Variants in RASA1 observed in about 807,000 individuals in gnomAD.
The protein encoded by RASA1 is ras GTPase-activating protein 1.
In RASA1, 25 loss-of-function variants were observed where a neutral mutation model predicts 132.2. The ratio of observed to expected loss-of-function variants is 0.19; its 90% CI spans 0.14 to 0.26. RASA1 has a LOEUF of 0.26. Among genes scored for constraint, RASA1 ranks in the 10% least tolerant of loss-of-function variants. The pLI is 1.00. For missense variants in RASA1, 964 were observed against 1,299.2 expected (o/e 0.74, Z 3.97); for synonymous variants, 477 against 449.9 (o/e 1.06, Z -0.76).
intron 1 of RASA1, among the ~76,000 whole-genome samples, chr5:87,287,610 T>G (rs187750161): frequency 2.1e-5 from 3 of 146,088 alleles, no homozygotes; most frequent in Admixed American, 6.8e-5. Context: ...ACACGCCATA[T>G]ATATACCATA....
intron 1 of RASA1, among the ~76,000 whole-genome samples, chr5:87,300,575 A>G (rs1307326836): frequency 3.3e-5 from 5 of 152,342 alleles, no homozygotes; most frequent in South Asian, 4.1e-4. Context: ...CCTGCTTACT[A>G]ATGACAGAAA....
chr5:87,322,919 TGA>T (rs1028484834), intron 1 of RASA1, among the ~76,000 whole-genome samples: 6 of 152,292 alleles, frequency 3.9e-5, no homozygotes, highest in African/African-American at 1.4e-4. Flanking sequence ...AAGAGAAGTG[TGA>T]GAGTGTCTGT....
chr5:87,359,517 A>G (rs1759914275), intron 9 of RASA1, among the ~76,000 whole-genome samples: 1 of 152,182 alleles, frequency 6.6e-6, no homozygotes, highest in Non-Finnish European at 1.5e-5. Flanking sequence ...ATAGATTCCA[A>G]GATCTATATA....
intron 11 of RASA1, chr5:87,366,383 C>G (rs1048717298): frequency 2.3e-6 from 1 of 426,724 alleles, no homozygotes; most frequent in Middle Eastern, 3.4e-4. Flanking sequence ...TTGGCACAAT[C>G]AAAAGAAAGG....
chr5:87,297,210 A>G (rs1561263391), intron 1 of RASA1, among the ~76,000 whole-genome samples: 1 of 152,194 alleles, frequency 6.6e-6, no homozygotes, highest in African/African-American at 2.4e-5. Context: ...CATATTAATC[A>G]TAGTTTTAAA....
chr5:87,278,881 C>G (rs1754184780), intron 1 of RASA1, among the ~76,000 whole-genome samples: 1 of 144,646 alleles, frequency 6.9e-6, no homozygotes, highest in African/African-American at 2.6e-5. Context: ...TTCCTCTTTC[C>G]TTATTCCCTG....
intron 1 of RASA1, among the ~76,000 whole-genome samples, chr5:87,287,773 A>ACACG (rs1754712362): frequency 7.9e-6 from 1 of 127,188 alleles, no homozygotes; most frequent in Non-Finnish European, 1.7e-5. Flanking sequence ...CCATAGATAT[A>ACACG]CCATATATGT....
intron 1 of RASA1, among the ~76,000 whole-genome samples, chr5:87,327,810 C>G (rs1030816400): frequency 6.6e-6 from 1 of 151,992 alleles, no homozygotes; most frequent in Non-Finnish European, 1.5e-5. Flanking sequence ...ACTAAAAATA[C>G]AAAAGTTAGC....
chr5:87,297,699 C>CT (rs1172495292), intron 1 of RASA1, among the ~76,000 whole-genome samples: 1 of 152,266 alleles, frequency 6.6e-6, no homozygotes, highest in East Asian at 1.9e-4. Flanking sequence ...CAAAATTGTT[C>CT]TTTTTTCCTT....
At chr5:87,346,100 A>G (rs1190144192) in intron 6 of RASA1, among the ~76,000 whole-genome samples, 1 of 152,136 alleles carries the variant, frequency 6.6e-6, no homozygotes, top group Non-Finnish European at 1.5e-5. Flanking sequence ...TAAAATACAT[A>G]GCAACCTAGT....
intron 13 of RASA1, among the ~76,000 whole-genome samples, chr5:87,373,341 G>A (rs950401566): frequency 6.6e-6 from 1 of 152,004 alleles, no homozygotes; most frequent in Non-Finnish European, 1.5e-5. Context: ...ATGATTTACG[G>A]CATACAGGGG....
chr5:87,276,371 T>C (rs1180414274), intron 1 of RASA1, among the ~76,000 whole-genome samples: 2 of 152,178 alleles, frequency 1.3e-5, no homozygotes, highest in Non-Finnish European at 2.9e-5. Flanking sequence ...CATTTCAGTT[T>C]TGTGCTGCGT....
At chr5:87,332,412 A>G (rs1317030811) in intron 2 of RASA1, 95 bp from the exon 3 acceptor site, 17 of 1,264,320 alleles carry the variant, frequency 1.3e-5, no homozygotes, top group Admixed American at 3.9e-5. Flanking sequence ...GGAAAAGAGT[A>G]TGGAAATTAT....
chr5:87,324,311 A>G (rs1431676085), intron 1 of RASA1, among the ~76,000 whole-genome samples: 4 of 152,102 alleles, frequency 2.6e-5, no homozygotes, highest in African/African-American at 7.2e-5. Flanking sequence ...CTCTTTCAAC[A>G]TTTGATCAGT....
chr5:87,356,948 C>T (rs192846498), intron 9 of RASA1, among the ~76,000 whole-genome samples: 19 of 152,156 alleles, frequency 1.2e-4, no homozygotes, highest in Admixed American at 5.2e-4. Context: ...ATTGTTTTTT[C>T]CCAGTGCTTA....
rs1761567981 is a variant in RASA1, at chr5:87,379,638, A to G, written c.2488-97A>G. 47 of 1,501,250 alleles carry G rather than the reference A, an allele frequency of 3.1e-5. No individual in the cohort carries two copies. In the South Asian group the frequency reaches 5.9e-4, roughly 19 times the overall value. 93.0% of individuals were successfully genotyped at this position (1,501,250 alleles called of 1,614,324 possible). A position where few individuals can be genotyped will look rare whatever the true frequency, so the allele number is the denominator to read the frequency against. Reference sequence around the variant, plus strand: ...TCAATACACACAGAGATACCGAAAAATAGACAACCTCGAAAACTATAACTA... The same window carrying G: ...TCAATACACACAGAGATACCGAAAAGTAGACAACCTCGAAAACTATAACTA... On this transcript the variant is annotated intron_variant, in intron 18 of 24. Coordinates refer to ENST00000274376, the MANE Select transcript of RASA1 (RefSeq NM_002890.3).
chr5:87,319,094 A>G (rs1040060901), intron 1 of RASA1, among the ~76,000 whole-genome samples: 1 of 152,232 alleles, frequency 6.6e-6, no homozygotes, highest in Non-Finnish European at 1.5e-5. Flanking sequence ...CATCCAGGGC[A>G]CGCTGATGCA....
chr5:87,325,684 G>T lies in RASA1; in HGVS notation c.540-5664G>T, dbSNP rs190304948. Among the ~76,000 whole-genome samples the T allele has an allele frequency of 1.6e-3, 241 of 152,296 alleles. 3 individuals are homozygous for T. Among genetic ancestry groups the T allele is most frequent in the Admixed American group, 7.0e-3 (107 of 15,300 alleles). On this transcript the variant is annotated intron_variant, in intron 1 of 24. Transcript: ENST00000274376. The stretch of plus-strand genomic sequence containing the variant: ...ACCAAGTGGAAAGTAAAAGTAATCT[G>T]CTGGTAACTTCAATTTAGTTTTCTT...
At chr5:87,317,240 C>T (rs1238118733) in intron 1 of RASA1, among the ~76,000 whole-genome samples, 2 of 152,130 alleles carry the variant, frequency 1.3e-5, no homozygotes, top group South Asian at 2.1e-4. Flanking sequence ...GCTCTTATTG[C>T]AGTCCTTTTG....
Sources: allele counts gnomAD v4.1 joint callset (sites outside exome capture counted in the v4.1 genomes callset), GRCh38; gene constraint gnomAD v4.1.1; transcripts MANE v1.5; gene names NCBI Gene and HGNC (gene_info 2026-07-23, HGNC 2026-07-21).